The following IMMP2L variants were observed in gnomAD, a reference collection of about 807,000 sequenced individuals.
IMMP2L encodes the protein inner mitochondrial membrane peptidase subunit 2.
IMMP2L carries 18 observed loss-of-function variants against 19.3 expected under a neutral mutation model. The ratio of observed to expected loss-of-function variants is 0.93; its 90% CI spans 0.64 to 1.38. The LOEUF (loss-of-function observed/expected upper bound fraction) is 1.38, where lower values mean the gene tolerates loss of function less well. Among genes scored for constraint, IMMP2L ranks in the 40% most tolerant of loss-of-function variants. The probability of loss-of-function intolerance (pLI) is 0.00; values close to 1 mark genes in which losing one functional copy is unlikely to be tolerated. For missense variants in IMMP2L, 233 were observed against 218.2 expected (o/e 1.07, Z -0.43); for synonymous variants, 76 against 73.0 (o/e 1.04, Z -0.21).
chr7:111,395,330 C>T (rs1035610734), intron 3 of IMMP2L, among the ~76,000 whole-genome samples: 5 of 152,222 alleles, frequency 3.3e-5, no homozygotes, highest in South Asian at 2.1e-4. Context: ...AAATGGAAAC[C>T]TAAAATGTAT....
rs1157779378 is a variant in IMMP2L, at chr7:110,877,143, T to C, written c.408+9450A>G. On this transcript the variant is annotated intron_variant, in intron 5 of 5. Transcript: ENST00000405709. This position sits in a 1 kb window ranked among gnomAD's most constrained non-coding sequence, Gnocchi z 4.0. ...CTGTGTTCCAACATAACTTCTTTTA[T>C]ACAGAAATAGGAATGGGCCAGATTT... Among the ~76,000 whole-genome samples the C allele has an allele frequency of 6.6e-6, 1 of 152,166 alleles. No homozygotes were observed. Among genetic ancestry groups the C allele is most frequent in the Admixed American group, 6.6e-5 (1 of 15,256 alleles).
rs576897542 is a variant in IMMP2L at position 110,717,187 on chromosome 7, A to G, written c.409-53466T>C. 7.9e-5 allele frequency among the ~76,000 whole-genome samples: 12 copies of G among 152,306 alleles called. No homozygotes were observed. In the South Asian group the frequency reaches 2.3e-3, roughly 29 times the overall value. On this transcript the variant is annotated intron_variant, in intron 5 of 5. Transcript: ENST00000405709. ...AGACTATAAAGGCTCAGTTTAAAAC[A>G]CAACTCAAGCCGGGCGTGGTGGCAC...
intron 4 of IMMP2L, among the ~76,000 whole-genome samples, chr7:110,888,612 A>G (rs976868932): frequency 1.3e-5 from 2 of 152,198 alleles, no homozygotes; most frequent in Non-Finnish European, 2.9e-5. Context: ...ATGTCATATA[A>G]GCCAAGATAC....
chr7:111,350,488 G>A (rs1232568471), intron 3 of IMMP2L, among the ~76,000 whole-genome samples: 1 of 151,968 alleles, frequency 6.6e-6, no homozygotes, highest in Non-Finnish European at 1.5e-5. Flanking sequence ...CACAGTAGGT[G>A]TTCAACACAC....
intron 3 of IMMP2L, among the ~76,000 whole-genome samples, chr7:111,215,442 C>G (rs978284626): frequency 6.6e-6 from 1 of 152,134 alleles, no homozygotes; most frequent in Non-Finnish European, 1.5e-5. Flanking sequence ...AAACAAGAAT[C>G]ATGAAGATAT....
At chr7:111,370,165 T>A (rs550435555) in intron 3 of IMMP2L, among the ~76,000 whole-genome samples, 1 of 152,164 alleles carries the variant, frequency 6.6e-6, no homozygotes, top group African/African-American at 2.4e-5. Flanking sequence ...AGCAAGTTGT[T>A]TGGAAACCTA....
intron 3 of IMMP2L, among the ~76,000 whole-genome samples, chr7:111,352,121 T>C (rs558043629): frequency 2.6e-4 from 39 of 152,244 alleles, no homozygotes; most frequent in Middle Eastern, 6.8e-3. Context: ...ATAAATGCAG[T>C]CAATTAGCCA....
intron 4 of IMMP2L, among the ~76,000 whole-genome samples, chr7:110,949,212 A>C (rs1817549280): frequency 6.6e-6 from 1 of 152,110 alleles, no homozygotes; most frequent in Non-Finnish European, 1.5e-5. Flanking sequence ...TGTACATCAT[A>C]TATATGTATT....
intron 3 of IMMP2L, among the ~76,000 whole-genome samples, chr7:111,423,166 G>C (rs1835747166): frequency 6.6e-6 from 1 of 151,784 alleles, no homozygotes; most frequent in South Asian, 2.1e-4. Flanking sequence ...CAGGGATATT[G>C]GTCTAAAATT....
At chr7:111,158,441 C>T (rs1381074694) in intron 3 of IMMP2L, among the ~76,000 whole-genome samples, 1 of 152,102 alleles carries the variant, frequency 6.6e-6, no homozygotes, top group African/African-American at 2.4e-5. Context: ...CTGTTCACTA[C>T]ATACAGAAAG....
At chr7:111,283,970 C>CAAA (rs972346409) in intron 3 of IMMP2L, among the ~76,000 whole-genome samples, 690 of 48,288 alleles carry the variant, frequency 0.014, 35 homozygotes, top group African/African-American at 0.045. Context: ...GACTCCGTCT[C>CAAA]AAAAAAAAAA....
chr7:111,046,243 C>T (rs1792384241), intron 3 of IMMP2L, among the ~76,000 whole-genome samples: 1 of 151,680 alleles, frequency 6.6e-6, no homozygotes, highest in South Asian at 2.1e-4. Flanking sequence ...TGTAGACTTA[C>T]CACAGTAAAA....
intron 5 of IMMP2L, among the ~76,000 whole-genome samples, chr7:110,875,603 A>G (rs528822631): frequency 6.6e-6 from 1 of 152,138 alleles, no homozygotes; most frequent in Admixed American, 6.6e-5. Context: ...TTTGAGAGGA[A>G]TGTTTCATTT....
intron 3 of IMMP2L, among the ~76,000 whole-genome samples, chr7:111,083,029 C>T (rs186500114): frequency 3.3e-5 from 5 of 152,264 alleles, no homozygotes; most frequent in African/African-American, 7.2e-5. Context: ...CTTTGAAACT[C>T]TGCTATTAAA....
chr7:111,327,278 A>C (rs1825420411), intron 3 of IMMP2L, among the ~76,000 whole-genome samples: 1 of 151,822 alleles, frequency 6.6e-6, no homozygotes, highest in Non-Finnish European at 1.5e-5. Flanking sequence ...ATAAAGTTTC[A>C]GTTAAGCAAG....
At chr7:111,338,701 T>G (rs1291254491) in intron 3 of IMMP2L, among the ~76,000 whole-genome samples, 1 of 152,118 alleles carries the variant, frequency 6.6e-6, no homozygotes, top group Non-Finnish European at 1.5e-5. Flanking sequence ...TAACACTTAC[T>G]ATATACTCTG....
chr7:111,241,684 A>G (rs1815061495), intron 3 of IMMP2L, among the ~76,000 whole-genome samples: 5 of 151,374 alleles, frequency 3.3e-5, no homozygotes, highest in African/African-American at 1.2e-4. Flanking sequence ...TAACTTTTAT[A>G]CATAAGTATA....
chr7:111,217,120 T>TCACACACACACACACACA (rs1385796500), intron 3 of IMMP2L, among the ~76,000 whole-genome samples: 2 of 137,814 alleles, frequency 1.5e-5, no homozygotes, highest in African/African-American at 6.0e-5. Context: ...TCTCTCTCTC[T>TCACACACACACACACACA]CTCTCTCACA....
At chr7:111,517,625 G>A (rs556522528) in intron 2 of IMMP2L, among the ~76,000 whole-genome samples, 1 of 152,076 alleles carries the variant, frequency 6.6e-6, no homozygotes, top group Non-Finnish European at 1.5e-5. Flanking sequence ...ACTATTCCTA[G>A]GGCACCCTTT....
Sources: gnomAD v4.1 joint callset for allele counts (sites outside exome capture counted in the v4.1 genomes callset) on GRCh38, gnomAD v4.1.1 for gene constraint, Gnocchi (gnomAD v3.1) non-coding constraint, MANE v1.5 for transcripts, NCBI Gene and HGNC (gene_info 2026-07-23, HGNC 2026-07-21) for gene names.